PPIG: variants seen among roughly 807,000 people sequenced by gnomAD.
The protein encoded by PPIG is peptidylprolyl isomerase G.
In PPIG, 26 loss-of-function variants were observed where a neutral mutation model predicts 87.9. The observed-to-expected ratio is 0.30, with a 90% CI of 0.22 to 0.41. The LOEUF is 0.41. Ranked by LOEUF, PPIG falls within the 10% of genes least tolerant of loss-of-function variation. The pLI is 1.00. For synonymous variants in PPIG, 308 were observed against 276.5 expected (o/e 1.11, Z -1.13); for missense variants, 722 against 879.4 (o/e 0.82, Z 2.26).
intron 7 of PPIG, among the ~76,000 whole-genome samples, chr2:169,609,181 T>C (rs946027703): frequency 6.6e-6 from 1 of 151,900 alleles, no homozygotes; most frequent in Admixed American, 6.6e-5. Flanking sequence ...AGGGACGGAA[T>C]TGTTGAAGGA....
At chr2:169,601,784 C>T (rs1399640170) in intron 1 of PPIG, among the ~76,000 whole-genome samples, 2 of 151,924 alleles carry the variant, frequency 1.3e-5, no homozygotes, top group East Asian at 1.9e-4. Flanking sequence ...TATTTAGAGC[C>T]GTATAATTGA....
chr2:169,595,655 T>A (rs1484322717), intron 1 of PPIG, among the ~76,000 whole-genome samples: 1 of 152,200 alleles, frequency 6.6e-6, no homozygotes, highest in Non-Finnish European at 1.5e-5. Flanking sequence ...AGTGAGAACA[T>A]GTGAAGTTTG....
intron 1 of PPIG, among the ~76,000 whole-genome samples, chr2:169,587,239 C>T (rs1287840446): frequency 6.7e-6 from 1 of 148,980 alleles, no homozygotes; most frequent in Admixed American, 6.7e-5. Context: ...TGTGCCCAGC[C>T]TGACTTTTGC....
intron 1 of PPIG, among the ~76,000 whole-genome samples, chr2:169,585,279 T>TTTTTTTTTTTTGG (rs71006004): frequency 6.7e-6 from 1 of 149,470 alleles, no homozygotes; most frequent in Non-Finnish European, 1.5e-5. Context: ...TCTTTTTTTT[T>TTTTTTTTTTTTGG]GAGACGGAGT....
chr2:169,600,575 A>T (rs71430679), intron 1 of PPIG, among the ~76,000 whole-genome samples: 1 of 152,186 alleles, frequency 6.6e-6, no homozygotes, highest in Non-Finnish European at 1.5e-5. Flanking sequence ...GCACTCAGAA[A>T]ATTTCAGATT....
chr2:169,586,219 G>A (rs184444530), intron 1 of PPIG, among the ~76,000 whole-genome samples: 191 of 152,218 alleles, frequency 1.3e-3, no homozygotes, highest in Non-Finnish European at 1.9e-3. Flanking sequence ...TCTTGTAGTA[G>A]GATTCTGCGC....
At chr2:169,586,000 C>A (rs1039158689) in intron 1 of PPIG, among the ~76,000 whole-genome samples, 1 of 152,066 alleles carries the variant, frequency 6.6e-6, no homozygotes, top group African/African-American at 2.4e-5. Context: ...AGAAAAGATA[C>A]ATTTAGAATG....
chr2:169,626,064 T>TC (rs1685877346), intron 9 of PPIG, among the ~76,000 whole-genome samples: 1 of 152,186 alleles, frequency 6.6e-6, no homozygotes, highest in South Asian at 2.1e-4. Flanking sequence ...GCTCTTCATC[T>TC]CCATGTTCTG....
chr2:169,585,121 G>C (rs1166023802), intron 1 of PPIG, among the ~76,000 whole-genome samples: 1 of 152,136 alleles, frequency 6.6e-6, no homozygotes, highest in Non-Finnish European at 1.5e-5. Context: ...CCAGGGTCTT[G>C]AGCTCTCGCG....
chr2:169,613,486 G>A (rs750414790), intron 7 of PPIG, among the ~76,000 whole-genome samples: 3 of 152,000 alleles, frequency 2.0e-5, no homozygotes, highest in South Asian at 2.1e-4. Flanking sequence ...TTTTTAGTAC[G>A]TATTCAAGTA....
chr2:169,628,241 C>A (rs1206653425), intron 9 of PPIG, among the ~76,000 whole-genome samples: 1 of 152,140 alleles, frequency 6.6e-6, no homozygotes, highest in East Asian at 1.9e-4. Context: ...GCACAGCTTG[C>A]GTATATCCCA....
intron 12 of PPIG, 60 bp from the exon 13 acceptor site, chr2:169,636,032 C>T: frequency 1.5e-6 from 2 of 1,358,822 alleles, no homozygotes; most frequent in Non-Finnish European, 2.0e-6. Flanking sequence ...CCTCCCAGCA[C>T]CCATGCGAGT....
At chr2:169,608,797 T>C in intron 7 of PPIG, 39 bp downstream of exon 7, 1 of 1,480,096 alleles carries the variant, frequency 6.8e-7, no homozygotes, top group Non-Finnish European at 9.4e-7. Flanking sequence ...ACATCCCATT[T>C]TTGGGCCGGG....
At position 169,610,476 on chromosome 2, in the gene PPIG, G is replaced by A. The variant is rs182999991; in HGVS notation, c.377+1718G>A. 1.3e-4 allele frequency among the ~76,000 whole-genome samples: 19 copies of A among 148,106 alleles called. No individual in the cohort carries two copies. In the East Asian group the frequency reaches 3.7e-3, roughly 29 times the overall value. Reference sequence around the variant, plus strand: ...TTTGTTCTCCTTCCTACCTAGTTTTGATATTTTTTTTTTGCATTTTTTTAA... The same window carrying A: ...TTTGTTCTCCTTCCTACCTAGTTTTAATATTTTTTTTTTGCATTTTTTTAA... On this transcript the variant is annotated intron_variant, in intron 7 of 13. Transcript: ENST00000260970.
intron 9 of PPIG, among the ~76,000 whole-genome samples, chr2:169,626,884 ATC>A (rs1266753656): frequency 7.0e-6 from 1 of 143,846 alleles, no homozygotes; most frequent in East Asian, 2.1e-4. Context: ...TAATTTTTGT[ATC>A]TCTAGTGGAG....
intron 1 of PPIG, among the ~76,000 whole-genome samples, chr2:169,591,781 ATTT>A (rs35299903): frequency 1.3e-5 from 2 of 149,414 alleles, no homozygotes; most frequent in Non-Finnish European, 3.0e-5. Flanking sequence ...ACATATTGTG[ATTT>A]TTTTTTTTCC....
intron 1 of PPIG, among the ~76,000 whole-genome samples, chr2:169,597,855 CTTGTTTGT>C (rs56851989): frequency 0.062 from 9,273 of 150,780 alleles, 474 homozygotes; most frequent in African/African-American, 0.14. Context: ...CTGTACCTTG[CTTGTTTGT>C]TTGTTTGTTT....
chr2:169,593,187 TTTTATTTA>T (rs912307751), intron 1 of PPIG, among the ~76,000 whole-genome samples: 7 of 151,710 alleles, frequency 4.6e-5, no homozygotes, highest in African/African-American at 1.7e-4. Context: ...TTATTATTTA[TTTTATTTA>T]TTTATTTATT....
At chr2:169,634,750 A>AC (rs199796783) in intron 12 of PPIG, among the ~76,000 whole-genome samples, 6,695 of 152,176 alleles carry the variant, frequency 0.044, 218 homozygotes, top group East Asian at 0.18. Context: ...CTGCCTCCTA[A>AC]ATATTCAGAA....
Sources: allele counts gnomAD v4.1 joint callset (sites outside exome capture counted in the v4.1 genomes callset), GRCh38; gene constraint gnomAD v4.1.1; transcripts MANE v1.5; gene names NCBI Gene and HGNC (gene_info 2026-07-23, HGNC 2026-07-21).